IGF2BP3: variants seen among roughly 807,000 people sequenced by gnomAD.
IGF2BP3 encodes the protein insulin like growth factor 2 mRNA binding protein 3.
A neutral mutation model predicts 73.8 loss-of-function variants in IGF2BP3; 9 were observed. The observed-to-expected ratio is 0.12, with a 90% CI of 0.07 to 0.21. The LOEUF (loss-of-function observed/expected upper bound fraction) is 0.21, where lower values mean the gene tolerates loss of function less well. Ranked by LOEUF, IGF2BP3 falls within the 10% of genes least tolerant of loss-of-function variation. The pLI, the probability that IGF2BP3 is intolerant of heterozygous loss-of-function variation, is 1.00. For synonymous variants in IGF2BP3, 258 were observed against 256.7 expected, an observed-to-expected ratio of 1.01 and a Z score of -0.05; for missense variants, 542 against 714.0, an observed-to-expected ratio of 0.76 and a Z score of 2.75.
chr7:23,467,495 G>T (rs547175958), intron 2 of IGF2BP3, among the ~76,000 whole-genome samples: 1 of 152,192 alleles, frequency 6.6e-6, no homozygotes, highest in Non-Finnish European at 1.5e-5. Context: ...AATCCAGAAA[G>T]GCTTAGAGGC....
At chr7:23,348,240 C>A (rs547873086) in intron 6 of IGF2BP3, among the ~76,000 whole-genome samples, 2 of 152,294 alleles carry the variant, frequency 1.3e-5, no homozygotes, top group Non-Finnish European at 2.9e-5. Flanking sequence ...GGAAAGTCTG[C>A]AACGAACAGT....
intron 2 of IGF2BP3, among the ~76,000 whole-genome samples, chr7:23,425,027 G>T (rs530660731): frequency 3.0e-4 from 45 of 152,284 alleles, no homozygotes; most frequent in African/African-American, 1.1e-3. Flanking sequence ...TGAAAAATAA[G>T]GAGCTTTATT....
At chr7:23,340,349 C>T (rs962065219) in intron 10 of IGF2BP3, among the ~76,000 whole-genome samples, 1 of 152,140 alleles carries the variant, frequency 6.6e-6, no homozygotes, top group Non-Finnish European at 1.5e-5. Context: ...GGCAGAAACA[C>T]ACACGGCAGG....
At chr7:23,427,279 G>A (rs1787540160) in intron 2 of IGF2BP3, among the ~76,000 whole-genome samples, 3 of 152,126 alleles carry the variant, frequency 2.0e-5, no homozygotes, top group African/African-American at 4.8e-5. Flanking sequence ...ATAAACCTGG[G>A]AGGCATTCCG....
intron 2 of IGF2BP3, among the ~76,000 whole-genome samples, chr7:23,462,924 A>G (rs1204708571): frequency 1.3e-5 from 2 of 152,204 alleles, no homozygotes; most frequent in Non-Finnish European, 2.9e-5. Flanking sequence ...TCAGCCTTCA[A>G]GCAAAATTCT....
chr7:23,463,491 G>A lies in IGF2BP3; in HGVS notation c.236+4991C>T, dbSNP rs188380569. Among the ~76,000 whole-genome samples, 592 of 152,324 alleles carry A rather than the reference G, an allele frequency of 3.9e-3. 4 individuals carry two copies. Among genetic ancestry groups the A allele is most frequent in the African/African-American group, 0.014 (573 of 41,572 alleles). On this transcript the variant is annotated intron_variant, in intron 2 of 14. Coordinates refer to ENST00000258729, the MANE Select transcript of IGF2BP3 (RefSeq NM_006547.3). ...ACCCCAGATCTCTGTAATTCCAAAA[G>A]ATATTTTTAAGCCTTAGCTGATAAC...
intron 3 of IGF2BP3, among the ~76,000 whole-genome samples, chr7:23,396,227 A>C (rs1435423912): frequency 6.6e-6 from 1 of 152,028 alleles, no homozygotes; most frequent in Non-Finnish European, 1.5e-5. Flanking sequence ...ACAAGTCATA[A>C]GACAATTAAA....
chr7:23,348,398 T>C (rs1291901912), intron 6 of IGF2BP3, among the ~76,000 whole-genome samples: 1 of 152,090 alleles, frequency 6.6e-6, no homozygotes, highest in Non-Finnish European at 1.5e-5. Flanking sequence ...AAAATTGAGA[T>C]AGAAAAAATT....
Position 23,312,263 on chromosome 7 carries a change from T to G in IGF2BP3, c.*99A>C, listed in dbSNP as rs1260238556. 23 of 869,240 alleles carry G rather than the reference T, an allele frequency of 2.6e-5. No homozygotes were observed. Among genetic ancestry groups the G allele is most frequent in the Non-Finnish European group, 4.0e-5 (21 of 524,590 alleles). 53.8% of individuals were successfully genotyped at this position (869,240 alleles called of 1,614,324 possible). On this transcript the variant is annotated 3_prime_UTR_variant, in exon 15 of 15. Coordinates refer to ENST00000258729, the MANE Select transcript of IGF2BP3 (RefSeq NM_006547.3). ...AAACAACTGGCTAGGTAAAAACTTG[T>G]GCATGTGATTCTGGATAGGGGGTCA... is the stretch of plus-strand genomic sequence containing the variant.
At chr7:23,439,554 C>CAA (rs11332929) in intron 2 of IGF2BP3, among the ~76,000 whole-genome samples, 955 of 53,238 alleles carry the variant, frequency 0.018, 34 homozygotes, top group African/African-American at 0.03. Flanking sequence ...GACTCCGTCT[C>CAA]AAAAAAAAAA....
At position 23,325,411 on chromosome 7, in the gene IGF2BP3, T is replaced by C. The variant is rs544485784; in HGVS notation, c.1204-6157A>G. ...AGGAGAACTACAAACCACTGCTCAATGAAATAAAAGAGGATACAAACAAAT... is the reference window on the plus strand; with the variant it reads ...AGGAGAACTACAAACCACTGCTCAACGAAATAAAAGAGGATACAAACAAAT... On this transcript the variant is annotated intron_variant, in intron 10 of 14. Coordinates refer to ENST00000258729, the MANE Select transcript of IGF2BP3 (RefSeq NM_006547.3). 1.9e-3 allele frequency among the ~76,000 whole-genome samples: 282 copies of C among 152,056 alleles called. 1 individual carries two copies. The highest frequency in any genetic ancestry group is 4.0e-3 in the South Asian group (19 of 4,810).
chr7:23,371,535 T>TACG, intron 3 of IGF2BP3, among the ~76,000 whole-genome samples: 1 of 152,320 alleles, frequency 6.6e-6, no homozygotes, highest in African/African-American at 2.4e-5. Flanking sequence ...TCCACCTTAA[T>TACG]GTATATTTCT....
chr7:23,443,956 C>A (rs1787997848), intron 2 of IGF2BP3, among the ~76,000 whole-genome samples: 1 of 152,168 alleles, frequency 6.6e-6, no homozygotes, highest in Admixed American at 6.5e-5. Context: ...ATGCAGTGAG[C>A]TGAGATCGCG....
At chr7:23,401,925 T>C (rs12700435) in intron 3 of IGF2BP3, among the ~76,000 whole-genome samples, 40,272 of 151,992 alleles carry the variant, frequency 0.26, 5,666 homozygotes, top group South Asian at 0.34. Context: ...AAGACCAGCC[T>C]GGCCAACATG....
intron 10 of IGF2BP3, among the ~76,000 whole-genome samples, chr7:23,325,737 G>GGAACA (rs1447678795): frequency 1.3e-5 from 2 of 152,080 alleles, no homozygotes; most frequent in Non-Finnish European, 2.9e-5. Context: ...ATAGATCAAT[G>GGAACA]GAACAGAACA....
At chr7:23,354,169 T>G (rs1410874502) in intron 5 of IGF2BP3, among the ~76,000 whole-genome samples, 2 of 152,176 alleles carry the variant, frequency 1.3e-5, no homozygotes, top group African/African-American at 4.8e-5. Flanking sequence ...AATTTTTGTA[T>G]TTTTAGTAGA....
intron 3 of IGF2BP3, among the ~76,000 whole-genome samples, chr7:23,407,478 G>T (rs1220345821): frequency 6.6e-6 from 1 of 151,514 alleles, no homozygotes; most frequent in African/African-American, 2.4e-5. Context: ...GCATGGTGGC[G>T]CATGTCTGTA....
intron 2 of IGF2BP3, among the ~76,000 whole-genome samples, chr7:23,452,283 C>T (rs1362151813): frequency 2.0e-5 from 3 of 151,746 alleles, no homozygotes; most frequent in Admixed American, 6.6e-5. Context: ...GAATTACAGG[C>T]GTGAGCCACC....
chr7:23,376,338 C>T (rs1427057910), intron 3 of IGF2BP3, among the ~76,000 whole-genome samples: 7 of 151,436 alleles, frequency 4.6e-5, no homozygotes, highest in Non-Finnish European at 1.0e-4. Context: ...AGGCGGATCA[C>T]CTGAGGTCCG....
Sources: allele counts gnomAD v4.1 joint callset (sites outside exome capture counted in the v4.1 genomes callset), GRCh38; gene constraint gnomAD v4.1.1; transcripts MANE v1.5; gene names NCBI Gene and HGNC (gene_info 2026-07-23, HGNC 2026-07-21).